The following CHD9 variants were observed in gnomAD, a reference collection of about 807,000 sequenced individuals.
The protein encoded by CHD9 is ATP-dependent chromatin remodeler CHD9.
In CHD9, 77 loss-of-function variants were observed where a neutral mutation model predicts 316.1. That is an observed-to-expected ratio of 0.24 (90% CI 0.20 to 0.29). CHD9 has a LOEUF of 0.29. CHD9 is among the 10% of genes least tolerant of loss of function. The pLI is 1.00. For synonymous variants in CHD9, 1,129 were observed against 1,158.3 expected, an observed-to-expected ratio of 0.97 and a Z score of 0.51; for missense variants, 2,763 against 3,438.1, an observed-to-expected ratio of 0.80 and a Z score of 4.91.
At chr16:53,136,556 TAA>T (rs35318410) in intron 1 of CHD9, among the ~76,000 whole-genome samples, 9 of 141,416 alleles carry the variant, frequency 6.4e-5, no homozygotes, top group Non-Finnish European at 7.7e-5. Context: ...TACCTTTTCC[TAA>T]AAAAAAAAAA....
At chr16:53,202,078 C>G (rs1414388828) in intron 2 of CHD9, among the ~76,000 whole-genome samples, 1 of 151,932 alleles carries the variant, frequency 6.6e-6, no homozygotes, top group Non-Finnish European at 1.5e-5. Context: ...CCCAGGCTGG[C>G]CTTGGACTCC....
intron 12 of CHD9, among the ~76,000 whole-genome samples, chr16:53,239,792 C>A (rs753137722): frequency 8.6e-5 from 13 of 151,968 alleles, no homozygotes; most frequent in Non-Finnish European, 1.8e-4. Flanking sequence ...TGCACTGAAG[C>A]CTGGGTGACA....
intron 1 of CHD9, among the ~76,000 whole-genome samples, chr16:53,154,035 C>T (rs2041323668): frequency 6.6e-6 from 1 of 152,156 alleles, no homozygotes; most frequent in African/African-American, 2.4e-5. Context: ...TGCTTTAATC[C>T]TTACTGGATA....
At chr16:53,269,440 A>G (rs1249234155) in intron 22 of CHD9, among the ~76,000 whole-genome samples, 3 of 152,212 alleles carry the variant, frequency 2.0e-5, no homozygotes, top group African/African-American at 7.2e-5. Flanking sequence ...CTAACCAGGT[A>G]GACAGACATA....
chr16:53,193,570 G>T (rs1004226937), intron 2 of CHD9, among the ~76,000 whole-genome samples: 1 of 151,914 alleles, frequency 6.6e-6, no homozygotes, highest in African/African-American at 2.4e-5. Context: ...GTGTTTATTC[G>T]CAATCCTTTC....
chr16:53,208,718 A>G, intron 2 of CHD9: 1 of 986,136 alleles, frequency 1.0e-6, no homozygotes. Context: ...GGGTAAGAAC[A>G]TAACAAAACT....
chr16:53,197,801 G>A (rs751213991), intron 2 of CHD9, among the ~76,000 whole-genome samples: 1 of 151,864 alleles, frequency 6.6e-6, no homozygotes, highest in Non-Finnish European at 1.5e-5. Flanking sequence ...AGGACTACAG[G>A]CGTGCACCAC....
intron 1 of CHD9, among the ~76,000 whole-genome samples, chr16:53,132,219 C>G (rs1022329953): frequency 4.6e-5 from 7 of 151,746 alleles, no homozygotes; most frequent in Admixed American, 1.3e-4. Context: ...CAGTTACTTT[C>G]CTGAAAGTCT....
At chr16:53,167,598 CCTCTAAGTTTCTAGCTTAG>C (rs1403598162) in intron 2 of CHD9, among the ~76,000 whole-genome samples, 4 of 151,368 alleles carry the variant, frequency 2.6e-5, no homozygotes, top group Admixed American at 2.0e-4. Context: ...AGAAGGTGTT[CCTCTAAGTTTCTAGCTTAG>C]CTCTTTGTTT....
intron 1 of CHD9, among the ~76,000 whole-genome samples, chr16:53,112,648 G>A (rs2037957813): frequency 6.6e-6 from 1 of 152,018 alleles, no homozygotes; most frequent in African/African-American, 2.4e-5. Context: ...TCACTAACAA[G>A]ACAAAAGACC....
intron 20 of CHD9, among the ~76,000 whole-genome samples, chr16:53,263,349 G>GT (rs2051331195): frequency 1.3e-5 from 2 of 151,956 alleles, no homozygotes; most frequent in Non-Finnish European, 2.9e-5. Context: ...ATTATAATAT[G>GT]TTTTTTAAAT....
chr16:53,211,461 T>C (rs2046327801), intron 3 of CHD9, among the ~76,000 whole-genome samples: 1 of 152,148 alleles, frequency 6.6e-6, no homozygotes, highest in African/African-American at 2.4e-5. Flanking sequence ...TTGCACAACA[T>C]TGACCAATTT....
At chr16:53,322,913 T>C (rs1375043525) in intron 38 of CHD9, among the ~76,000 whole-genome samples, 2 of 152,202 alleles carry the variant, frequency 1.3e-5, no homozygotes, top group Non-Finnish European at 1.5e-5. Flanking sequence ...TGATGGATGA[T>C]TTTTTTAATA....
chr16:53,318,766 A>G (rs2057063611), intron 37 of CHD9, among the ~76,000 whole-genome samples: 2 of 152,198 alleles, frequency 1.3e-5, no homozygotes, highest in African/African-American at 2.4e-5. Flanking sequence ...CAGTACATAG[A>G]ACAACCCCCT....
At chr16:53,212,688 G>A (rs1204638476) in intron 3 of CHD9, among the ~76,000 whole-genome samples, 4 of 152,106 alleles carry the variant, frequency 2.6e-5, no homozygotes, top group Non-Finnish European at 5.9e-5. Flanking sequence ...GTGAGTTAGA[G>A]TGGGCATACA....
chr16:53,178,961 A>G (rs2043285096), intron 2 of CHD9, among the ~76,000 whole-genome samples: 3 of 152,142 alleles, frequency 2.0e-5, no homozygotes, highest in African/African-American at 7.2e-5. Context: ...GTAGTGTGCT[A>G]TGATCCTGCT....
At chr16:53,300,629 G>A (rs1468718938) in intron 30 of CHD9, among the ~76,000 whole-genome samples, 1 of 152,166 alleles carries the variant, frequency 6.6e-6, no homozygotes, top group Non-Finnish European at 1.5e-5. Context: ...CTATTTCTAT[G>A]TTAATAGAAA....
chr16:53,195,068 G>A, intron 2 of CHD9, among the ~76,000 whole-genome samples: 1 of 152,048 alleles, frequency 6.6e-6, no homozygotes, highest in Middle Eastern at 3.2e-3. Context: ...AAATTTTCTT[G>A]AAGTATAATG....
At chr16:53,126,634 T>C (rs2038979919) in intron 1 of CHD9, among the ~76,000 whole-genome samples, 1 of 146,854 alleles carries the variant, frequency 6.8e-6, no homozygotes, top group Non-Finnish European at 1.5e-5. Flanking sequence ...CTTTTCTCCC[T>C]TCCTTCCTTC....
Sources: allele counts gnomAD v4.1 joint callset (sites outside exome capture counted in the v4.1 genomes callset), GRCh38; gene constraint gnomAD v4.1.1; transcripts MANE v1.5; gene names NCBI Gene and HGNC (gene_info 2026-07-23, HGNC 2026-07-21).